Variants in SUCLG2 observed in about 807,000 individuals in gnomAD.
SUCLG2 encodes the protein succinate-CoA ligase GDP-forming subunit beta.
SUCLG2 carries 42 observed loss-of-function variants against 47.9 expected under a neutral mutation model. That is an observed-to-expected ratio of 0.88 (90% CI 0.69 to 1.14). The LOEUF is 1.14. Among genes scored for constraint, SUCLG2 ranks in the 50% most tolerant of loss-of-function variants. The pLI, the probability that SUCLG2 is intolerant of heterozygous loss-of-function variation, is 0.00. For missense variants in SUCLG2, 571 were observed against 525.9 expected, an observed-to-expected ratio of 1.09 and a Z score of -0.84; for synonymous variants, 195 against 197.3, an observed-to-expected ratio of 0.99 and a Z score of 0.10.
intron 1 of SUCLG2, among the ~76,000 whole-genome samples, chr3:67,609,945 T>C (rs1373287335): frequency 6.6e-6 from 1 of 152,036 alleles, no homozygotes; most frequent in African/African-American, 2.4e-5. Flanking sequence ...GGATGAAGAG[T>C]ACATGGGGCT....
chr3:67,398,503 T>C (rs1309361163), intron 10 of SUCLG2, among the ~76,000 whole-genome samples: 1 of 151,646 alleles, frequency 6.6e-6, no homozygotes, highest in Non-Finnish European at 1.5e-5. Context: ...ATGGCAATCA[T>C]TAAAAAGTCA....
At chr3:67,500,444 T>G (rs147992280) in intron 7 of SUCLG2, among the ~76,000 whole-genome samples, 92 of 152,326 alleles carry the variant, frequency 6.0e-4, no homozygotes, top group African/African-American at 2.2e-3. Flanking sequence ...AATGTCTGCT[T>G]AAATCCTTAG....
At chr3:67,362,240 G>A (rs1415174246) in intron 10 of SUCLG2, among the ~76,000 whole-genome samples, 4 of 152,072 alleles carry the variant, frequency 2.6e-5, no homozygotes, top group Non-Finnish European at 5.9e-5. Context: ...AACTTTTCAT[G>A]TACCCCAGGA....
downstream of SUCLG2, among the ~76,000 whole-genome samples, chr3:67,373,630 T>C (rs1701983556): frequency 6.6e-6 from 1 of 152,182 alleles, no homozygotes; most frequent in African/African-American, 2.4e-5. Flanking sequence ...GTTACTGACC[T>C]GAAACTGATC....
At chr3:67,573,989 C>A (rs1707684034) in intron 2 of SUCLG2, among the ~76,000 whole-genome samples, 1 of 152,124 alleles carries the variant, frequency 6.6e-6, no homozygotes, top group African/African-American at 2.4e-5. Flanking sequence ...GAATTCAGTT[C>A]CTGGGCTTGT....
chr3:67,573,157 T>C (rs1180480124), intron 2 of SUCLG2, among the ~76,000 whole-genome samples: 1 of 151,952 alleles, frequency 6.6e-6, no homozygotes, highest in Non-Finnish European at 1.5e-5. Context: ...ATTGCTGAAA[T>C]AAAGATCTAA....
intron 9 of SUCLG2, among the ~76,000 whole-genome samples, chr3:67,464,754 A>C (rs960453905): frequency 6.6e-6 from 1 of 152,220 alleles, no homozygotes; most frequent in Non-Finnish European, 1.5e-5. Context: ...CAGATGCCCT[A>C]CTTTACTTTG....
intron 1 of SUCLG2, among the ~76,000 whole-genome samples, chr3:67,645,434 C>T (rs1009055485): frequency 6.6e-6 from 1 of 152,178 alleles, no homozygotes; most frequent in Non-Finnish European, 1.5e-5. Flanking sequence ...CCATCCTATT[C>T]AACACTCAGC....
chr3:67,528,058 C>A, intron 4 of SUCLG2, 74 bp downstream of exon 4: 1 of 1,369,510 alleles, frequency 7.3e-7, no homozygotes, highest in South Asian at 1.3e-5. Flanking sequence ...TAGATTCTGT[C>A]AAAAACTGAA....
At chr3:67,499,965 T>G (rs1233546917) in intron 7 of SUCLG2, among the ~76,000 whole-genome samples, 2 of 152,078 alleles carry the variant, frequency 1.3e-5, no homozygotes, top group Admixed American at 1.3e-4. Flanking sequence ...TCTCCTGACC[T>G]TGTGATCTGC....
Position 67,566,181 on chromosome 3 carries a change from A to T in SUCLG2, c.227-36995T>A, listed in dbSNP as rs540167475. Reference sequence around the variant, plus strand: ...CTGTGATCTTACTGATTTTCCGAATACGGTGAACATTCTAGTCTGTCTTTG... The same window carrying T: ...CTGTGATCTTACTGATTTTCCGAATTCGGTGAACATTCTAGTCTGTCTTTG... On this transcript the variant is annotated intron_variant, in intron 2 of 10. Transcript: ENST00000307227. Among the ~76,000 whole-genome samples, 22 of 152,344 alleles carry T rather than the reference A, an allele frequency of 1.4e-4. No individual in the cohort carries two copies. The South Asian group carries it at 3.7e-3, about 26-fold the overall frequency.
At chr3:67,558,023 G>A (rs1481022795) in intron 2 of SUCLG2, among the ~76,000 whole-genome samples, 2 of 152,118 alleles carry the variant, frequency 1.3e-5, no homozygotes, top group Admixed American at 1.3e-4. Context: ...GAACTGAAAC[G>A]TTTGCTGCAC....
At chr3:67,483,275 C>G (rs1704966133) in intron 9 of SUCLG2, among the ~76,000 whole-genome samples, 1 of 152,084 alleles carries the variant, frequency 6.6e-6, no homozygotes, top group African/African-American at 2.4e-5. Context: ...CAACATTGCT[C>G]AGAACACTTT....
At chr3:67,589,307 T>C (rs1708098783) in intron 2 of SUCLG2, among the ~76,000 whole-genome samples, 1 of 152,246 alleles carries the variant, frequency 6.6e-6, no homozygotes, top group African/African-American at 2.4e-5. Context: ...TGTAAGTCTT[T>C]ACATGGTTTT....
At chr3:67,379,802 A>G (rs1473879834) in intron 10 of SUCLG2, among the ~76,000 whole-genome samples, 2 of 152,144 alleles carry the variant, frequency 1.3e-5, no homozygotes, top group African/African-American at 4.8e-5. Context: ...CTTTCTAATC[A>G]CCACCTCCCC....
rs181796993 is a variant in SUCLG2, at chr3:67,497,685, G to C, written c.919+449C>G. Among the ~76,000 whole-genome samples, 680 of 151,952 alleles carry C rather than the reference G, an allele frequency of 4.5e-3. 11 individuals carry two copies. In the East Asian group the frequency reaches 0.058, roughly 13 times the overall value. ...ATTAATACTGAGTTGAGCAGCAAAGGTTCTAATTTTTTACTAAGCAAAGTT... is the reference window on the plus strand; with the variant it reads ...ATTAATACTGAGTTGAGCAGCAAAGCTTCTAATTTTTTACTAAGCAAAGTT... On this transcript the variant is annotated intron_variant, in intron 8 of 10. Transcript: ENST00000307227.
chr3:67,413,789 T>C (rs1368503068), intron 9 of SUCLG2, among the ~76,000 whole-genome samples: 1 of 152,222 alleles, frequency 6.6e-6, no homozygotes, highest in African/African-American at 2.4e-5. Context: ...TTTCCAGATA[T>C]GCTAGAGCTT....
chr3:67,642,916 C>CTGTGTG (rs1491202290), intron 1 of SUCLG2, among the ~76,000 whole-genome samples: 4,336 of 120,104 alleles, frequency 0.036, 202 homozygotes, highest in African/African-American at 0.11. Flanking sequence ...CAGAAAAGGA[C>CTGTGTG]TCTGTGTGTG....
At chr3:67,622,254 CA>C (rs1343071821) in intron 1 of SUCLG2, among the ~76,000 whole-genome samples, 1 of 152,104 alleles carries the variant, frequency 6.6e-6, no homozygotes, top group Non-Finnish European at 1.5e-5. Context: ...GAAAAACTAG[CA>C]AGTGGTAGAA....
Sources: gnomAD v4.1 joint callset for allele counts (sites outside exome capture counted in the v4.1 genomes callset) on GRCh38, gnomAD v4.1.1 for gene constraint, MANE v1.5 for transcripts, NCBI Gene and HGNC (gene_info 2026-07-23, HGNC 2026-07-21) for gene names.